Variants in PXDNL observed in about 807,000 individuals in gnomAD.
PXDNL encodes peroxidasin like, also known as probable oxidoreductase PXDNL.
Under a neutral mutation model 150.8 loss-of-function variants are expected in PXDNL, and 145 were observed. The observed-to-expected ratio is 0.96, with a 90% CI of 0.84 to 1.10. The LOEUF (loss-of-function observed/expected upper bound fraction) is 1.10. Among genes scored for constraint, PXDNL ranks in the 50% least tolerant of loss-of-function variants. The pLI, the probability that PXDNL is intolerant of heterozygous loss-of-function variation, is 0.00. For missense variants in PXDNL, 2,087 were observed against 1,873.9 expected (o/e 1.11, Z -2.10); for synonymous variants, 757 against 725.7 (o/e 1.04, Z -0.69).
intron 2 of PXDNL, among the ~76,000 whole-genome samples, chr8:51,601,818 C>G (rs1813729105): frequency 6.6e-6 from 1 of 151,000 alleles, no homozygotes; most frequent in African/African-American, 2.4e-5. Flanking sequence ...AATGTAGGGT[C>G]TGTAGGCTAT....
chr8:51,443,664 A>T (rs1809606281), intron 12 of PXDNL, among the ~76,000 whole-genome samples: 1 of 152,230 alleles, frequency 6.6e-6, no homozygotes, highest in African/African-American at 2.4e-5. Flanking sequence ...TATTTTCTAC[A>T]AAAAAGTAGT....
intron 19 of PXDNL, among the ~76,000 whole-genome samples, chr8:51,368,449 A>T (rs1018317016): frequency 1.4e-4 from 22 of 152,164 alleles, no homozygotes; most frequent in African/African-American, 5.3e-4. Context: ...CCAGGATTTT[A>T]AAAAAATGTA....
intron 1 of PXDNL, among the ~76,000 whole-genome samples, chr8:51,711,581 T>TAG (rs1270204399): frequency 2.6e-5 from 4 of 152,214 alleles, no homozygotes; most frequent in Admixed American, 6.5e-5. Flanking sequence ...AAAGAAATAA[T>TAG]ACATGGTTGG....
intron 17 of PXDNL, among the ~76,000 whole-genome samples, chr8:51,383,927 T>C (rs1347990556): frequency 6.6e-6 from 1 of 152,198 alleles, no homozygotes; most frequent in East Asian, 1.9e-4. Flanking sequence ...AGAGGTCCTG[T>C]ATGGAATCTT....
chr8:51,779,353 C>T (rs56147276), intron 1 of PXDNL, among the ~76,000 whole-genome samples: 7,526 of 152,230 alleles, frequency 0.049, 268 homozygotes, highest in Non-Finnish European at 0.077. Context: ...ATGTGAGTTT[C>T]CAGGGTATCT....
chr8:51,574,923 G>A (rs2130603985), intron 3 of PXDNL, among the ~76,000 whole-genome samples: 1 of 152,100 alleles, frequency 6.6e-6, no homozygotes. Context: ...AATTCTCTAA[G>A]AGGAAAGAAA....
chr8:51,806,571 A>C (rs1227863335), intron 1 of PXDNL, among the ~76,000 whole-genome samples: 1 of 152,188 alleles, frequency 6.6e-6, no homozygotes, highest in Non-Finnish European at 1.5e-5. Flanking sequence ...CAGGCTTTAC[A>C]TATACTTCTC....
chr8:51,661,638 C>A (rs6995555), intron 1 of PXDNL, among the ~76,000 whole-genome samples: 100,486 of 151,780 alleles, frequency 0.66, 33,777 homozygotes, highest in Non-Finnish European at 0.72. Flanking sequence ...GCAGCCAGCC[C>A]CCACAATTGT....
At chr8:51,748,471 AG>A (rs1563308885) in intron 1 of PXDNL, among the ~76,000 whole-genome samples, 1 of 152,152 alleles carries the variant, frequency 6.6e-6, no homozygotes, top group African/African-American at 2.4e-5. Context: ...GCAGAAAGGC[AG>A]GTGGGGTGGC....
chr8:51,700,250 T>C (rs369038069), intron 1 of PXDNL, among the ~76,000 whole-genome samples: 1,584 of 119,010 alleles, frequency 0.013, 24 homozygotes, highest in African/African-American at 0.034. Context: ...CCCACACATA[T>C]ACACTCAAAC....
intron 1 of PXDNL, among the ~76,000 whole-genome samples, chr8:51,744,904 A>G (rs2036961009): frequency 6.8e-6 from 1 of 146,588 alleles, no homozygotes. Flanking sequence ...GAAAGAAGGA[A>G]GGAAGGAAGG....
At chr8:51,775,658 C>A (rs2037344232) in intron 1 of PXDNL, among the ~76,000 whole-genome samples, 1 of 152,206 alleles carries the variant, frequency 6.6e-6, no homozygotes, top group African/African-American at 2.4e-5. Flanking sequence ...CCAATCAATA[C>A]TCTTGTGATT....
chr8:51,571,238 TAAG>T (rs1047793272), intron 3 of PXDNL, among the ~76,000 whole-genome samples: 3 of 151,864 alleles, frequency 2.0e-5, no homozygotes, highest in African/African-American at 7.2e-5. Flanking sequence ...CAATCAAAGC[TAAG>T]AAGTTCAATC....
intron 5 of PXDNL, among the ~76,000 whole-genome samples, chr8:51,496,697 A>G (rs570730910): frequency 6.6e-5 from 10 of 152,326 alleles, no homozygotes; most frequent in African/African-American, 2.4e-4. Context: ...ATTGCTTCAA[A>G]GAGAATGAAA....
At chr8:51,395,540 A>C (rs1808055081) in intron 17 of PXDNL, among the ~76,000 whole-genome samples, 1 of 152,242 alleles carries the variant, frequency 6.6e-6, no homozygotes, top group African/African-American at 2.4e-5. Context: ...GGGAATTCAA[A>C]TTATGAGACA....
intron 3 of PXDNL, among the ~76,000 whole-genome samples, chr8:51,573,775 G>A (rs1395437421): frequency 1.3e-5 from 2 of 151,946 alleles, no homozygotes; most frequent in Non-Finnish European, 2.9e-5. Context: ...TAATGTCAAA[G>A]TCTTTACCCC....
At chr8:51,374,949 C>T (rs1214788631) in intron 17 of PXDNL, among the ~76,000 whole-genome samples, 6 of 152,164 alleles carry the variant, frequency 3.9e-5, no homozygotes, top group African/African-American at 1.2e-4. Flanking sequence ...TAACCAAGGA[C>T]ATATGACACC....
chr8:51,335,636 A>G (rs1399759868), intron 21 of PXDNL, among the ~76,000 whole-genome samples: 4 of 151,694 alleles, frequency 2.6e-5, no homozygotes, highest in Admixed American at 1.3e-4. Flanking sequence ...TATTATAATT[A>G]AAAGTGTAAA....
At chr8:51,602,907 A>G (rs1287865473) in intron 2 of PXDNL, among the ~76,000 whole-genome samples, 1 of 151,398 alleles carries the variant, frequency 6.6e-6, no homozygotes, top group Non-Finnish European at 1.5e-5. Flanking sequence ...ATTTTGTATC[A>G]TACTTAGGCT....
Sources: allele counts gnomAD v4.1 joint callset (sites outside exome capture counted in the v4.1 genomes callset), GRCh38; gene constraint gnomAD v4.1.1; transcripts MANE v1.5; gene names NCBI Gene and HGNC (gene_info 2026-07-23, HGNC 2026-07-21).